Variants in RERE observed in about 807,000 individuals in gnomAD.
RERE encodes arginine-glutamic acid dipeptide repeats protein.
A neutral mutation model predicts 146.1 loss-of-function variants in RERE; 40 were observed. The observed-to-expected ratio is 0.27, with a 90% confidence interval of 0.21 to 0.36. The LOEUF (loss-of-function observed/expected upper bound fraction) is 0.36. RERE is among the 10% of genes least tolerant of loss of function. The pLI, the probability that RERE is intolerant of heterozygous loss-of-function variation, is 1.00. For missense variants in RERE, 1,933 were observed against 2,138.7 expected, an observed-to-expected ratio of 0.90 and a Z score of 1.90; for synonymous variants, 1,003 against 866.0, an observed-to-expected ratio of 1.16 and a Z score of -2.78.
At chr1:8,604,265 A>G (rs1384783515) in intron 4 of RERE, among the ~76,000 whole-genome samples, 1 of 152,224 alleles carries the variant, frequency 6.6e-6, no homozygotes, top group Admixed American at 6.5e-5. Context: ...GAGGTTTTTT[A>G]ACTACCTCCA....
At chr1:8,373,868 T>C (rs1273033262) in intron 12 of RERE, among the ~76,000 whole-genome samples, 1 of 152,232 alleles carries the variant, frequency 6.6e-6, no homozygotes, top group African/African-American at 2.4e-5. Flanking sequence ...CAGATCTTTT[T>C]CCAGGAGGCA....
chr1:8,448,501 G>C (rs1644351143), intron 11 of RERE, among the ~76,000 whole-genome samples: 1 of 152,200 alleles, frequency 6.6e-6, no homozygotes, highest in Admixed American at 6.5e-5. Context: ...GCTCACGCCT[G>C]TAATCCCAGT....
intron 11 of RERE, among the ~76,000 whole-genome samples, chr1:8,439,033 C>G (rs1644209255): frequency 6.6e-6 from 1 of 152,202 alleles, no homozygotes; most frequent in Non-Finnish European, 1.5e-5. Flanking sequence ...AGTAAATCGT[C>G]TCCCAGTCTG....
intron 10 of RERE, among the ~76,000 whole-genome samples, chr1:8,482,306 A>G (rs1004934976): frequency 1.3e-5 from 2 of 152,222 alleles, no homozygotes; most frequent in African/African-American, 4.8e-5. Flanking sequence ...AAAGTGGGGT[A>G]TAAAGTTTGA....
At chr1:8,520,690 GT>G (rs1645481415) in intron 7 of RERE, among the ~76,000 whole-genome samples, 1 of 137,398 alleles carries the variant, frequency 7.3e-6, no homozygotes, top group Non-Finnish European at 1.5e-5. Context: ...CTGTGGCAAA[GT>G]TTAGGGGCTG....
chr1:8,373,450 G>A (rs1039560664), intron 12 of RERE, among the ~76,000 whole-genome samples: 15 of 151,770 alleles, frequency 9.9e-5, no homozygotes, highest in African/African-American at 3.6e-4. Context: ...TTTTTTTTAA[G>A]GTATGTTTTT....
intron 4 of RERE, among the ~76,000 whole-genome samples, chr1:8,577,869 G>A (rs1480446242): frequency 3.3e-5 from 5 of 152,190 alleles, no homozygotes; most frequent in South Asian, 2.1e-4. Flanking sequence ...CGAGATGGGC[G>A]ATCACCTGAC....
intron 7 of RERE, among the ~76,000 whole-genome samples, chr1:8,532,447 A>G (rs1451456508): frequency 6.6e-6 from 1 of 151,046 alleles, no homozygotes; most frequent in Non-Finnish European, 1.5e-5. Flanking sequence ...GGGGAGACAG[A>G]GTTTCACTTG....
At chr1:8,615,928 C>G (rs1182373675) in intron 3 of RERE, among the ~76,000 whole-genome samples, 1 of 152,136 alleles carries the variant, frequency 6.6e-6, no homozygotes, top group Non-Finnish European at 1.5e-5. Context: ...AATTTCTGTG[C>G]AGTCAGTCTC....
At chr1:8,743,136 C>A (rs1361868967) in intron 1 of RERE, among the ~76,000 whole-genome samples, 1 of 152,050 alleles carries the variant, frequency 6.6e-6, no homozygotes, top group African/African-American at 2.4e-5. Flanking sequence ...TGGCTCACAC[C>A]TATAATCCCA....
intron 1 of RERE, among the ~76,000 whole-genome samples, chr1:8,791,724 T>C (rs1267952958): frequency 2.6e-5 from 4 of 152,224 alleles, no homozygotes; most frequent in Non-Finnish European, 5.9e-5. Context: ...AATCTCTTCT[T>C]TTCAAACTAA....
At position 8,702,285 on chromosome 1, in the gene RERE, C is replaced by A. The variant is rs559728250; in HGVS notation, c.-144-45844G>T. On this transcript the variant is annotated intron_variant, in intron 1 of 22. Coordinates refer to ENST00000400908, the MANE Select transcript of RERE (RefSeq NM_001042681.2). Reference sequence around the variant, plus strand: ...GAGAGGCCTCCAGCCAAACAATGCCCACAGAGCGCGGGGCACATGTGCGCC... The same window carrying A: ...GAGAGGCCTCCAGCCAAACAATGCCAACAGAGCGCGGGGCACATGTGCGCC... Among the ~76,000 whole-genome samples the A allele has an allele frequency of 2.6e-3, 392 of 152,272 alleles. 2 individuals carry two copies. The highest frequency in any genetic ancestry group is 9.0e-3 in the African/African-American group (372 of 41,548).
chr1:8,616,367 T>A (rs958972403), intron 3 of RERE, among the ~76,000 whole-genome samples: 1 of 151,074 alleles, frequency 6.6e-6, no homozygotes, highest in Non-Finnish European at 1.5e-5. Flanking sequence ...GTTTCCCTAA[T>A]TTTTTTTTAG....
At chr1:8,369,508 T>TA (rs1186718390) in intron 12 of RERE, among the ~76,000 whole-genome samples, 2,159 of 76,796 alleles carry the variant, frequency 0.028, 74 homozygotes, top group Non-Finnish European at 0.034. Flanking sequence ...CGCCTTTTAC[T>TA]AAAAAAAAAA....
At position 8,364,905 on chromosome 1, in the gene RERE, T is replaced by A; in HGVS notation, c.1448-67A>T. On this transcript the variant is annotated intron_variant, in intron 13 of 22. Transcript: ENST00000400908. The surrounding 1 kb of genome is among the most constrained non-coding windows in gnomAD (Gnocchi z 5.1). ...TCATGCTCAGCCAAGGCTGGGCCGG[T>A]GGGGTGGGGGGGAGGGGGGAACACC... 1 of 16,748 alleles carries A rather than the reference T, an allele frequency of 6.0e-5. No individual in the cohort carries two copies. The highest frequency in any genetic ancestry group is 1.2e-4 in the Non-Finnish European group (1 of 8,272). The allele number at this position is 16,748 out of a possible 1,614,324, so 1.0% of individuals were successfully genotyped here.
At chr1:8,357,027 C>T (rs563829300) in intron 20 of RERE, among the ~76,000 whole-genome samples, 7 of 152,328 alleles carry the variant, frequency 4.6e-5, no homozygotes, top group African/African-American at 1.2e-4. Flanking sequence ...ACGGCCTTCT[C>T]GAAACCGCCA....
At chr1:8,756,314 T>G (rs1640638160) in intron 1 of RERE, among the ~76,000 whole-genome samples, 1 of 152,260 alleles carries the variant, frequency 6.6e-6, no homozygotes, top group Non-Finnish European at 1.5e-5. Flanking sequence ...AAGTGACTAC[T>G]GCCTGAACTG....
At chr1:8,628,991 G>A (rs1304211894) in intron 2 of RERE, among the ~76,000 whole-genome samples, 3 of 152,206 alleles carry the variant, frequency 2.0e-5, no homozygotes, top group Non-Finnish European at 4.4e-5. Context: ...CAAAGCTGAT[G>A]TGATCCACCA....
At chr1:8,536,315 C>T (rs577442932) in intron 7 of RERE, among the ~76,000 whole-genome samples, 3 of 151,932 alleles carry the variant, frequency 2.0e-5, no homozygotes, top group South Asian at 2.1e-4. Context: ...AGTAGCAGCA[C>T]GGGACTAGAA....
Sources: allele counts gnomAD v4.1 joint callset (sites outside exome capture counted in the v4.1 genomes callset), GRCh38; gene constraint gnomAD v4.1.1; non-coding constraint Gnocchi (gnomAD v3.1); transcripts MANE v1.5; gene names NCBI Gene and HGNC (gene_info 2026-07-23, HGNC 2026-07-21).